Variants in BAIAP2 observed in about 807,000 individuals in gnomAD.
BAIAP2 encodes BAR/IMD domain-containing adapter protein 2.
A neutral mutation model predicts 63.0 loss-of-function variants in BAIAP2; 18 were observed. That is an observed-to-expected ratio of 0.29 (90% CI 0.20 to 0.42). BAIAP2 has a LOEUF of 0.42. Among genes scored for constraint, BAIAP2 ranks in the 10% least tolerant of loss-of-function variants. BAIAP2 has a pLI of 1.00. For missense variants in BAIAP2, 610 were observed against 734.3 expected (o/e 0.83, Z 1.96); for synonymous variants, 386 against 307.6 (o/e 1.25, Z -2.67).
chr17:81,047,504 T>G (rs115190157), intron 1 of BAIAP2, among the ~76,000 whole-genome samples: 2,579 of 152,122 alleles, frequency 0.017, 75 homozygotes, highest in African/African-American at 0.058. Context: ...GGTCCACGTG[T>G]GTCCAGCACA....
At chr17:81,111,697 C>A (rs1427888361) in intron 13 of BAIAP2, among the ~76,000 whole-genome samples, 1 of 152,224 alleles carries the variant, frequency 6.6e-6, no homozygotes, top group Non-Finnish European at 1.5e-5. Flanking sequence ...GTGGGCCACT[C>A]CCCTGGTGCC....
intron 7 of BAIAP2, among the ~76,000 whole-genome samples, chr17:81,102,666 G>A (rs1292139902): frequency 6.6e-6 from 1 of 152,208 alleles, no homozygotes; most frequent in African/African-American, 2.4e-5. Context: ...AATGGCTGTC[G>A]TCCAACATCC....
chr17:81,065,298 G>T (rs1014989688), intron 3 of BAIAP2, among the ~76,000 whole-genome samples: 6 of 152,078 alleles, frequency 3.9e-5, no homozygotes, highest in Admixed American at 6.5e-5. Flanking sequence ...GCAGTGCTGT[G>T]CCCGTCCCGG....
At chr17:81,070,409 C>T (rs990229522) in intron 3 of BAIAP2, among the ~76,000 whole-genome samples, 1 of 152,210 alleles carries the variant, frequency 6.6e-6, no homozygotes, top group Non-Finnish European at 1.5e-5. Context: ...ACCTTGGTCA[C>T]TTGTGGCCAA....
intron 3 of BAIAP2, among the ~76,000 whole-genome samples, chr17:81,068,775 A>T (rs537102964): frequency 1.3e-5 from 2 of 152,118 alleles, no homozygotes; most frequent in African/African-American, 4.8e-5. Flanking sequence ...GGTCCCAGGG[A>T]GGTGTCTTTC....
chr17:81,086,295 C>T lies in BAIAP2; in HGVS notation c.352-148C>T, dbSNP rs532682414. On this transcript the variant is annotated intron_variant, in intron 5 of 13. Coordinates refer to ENST00000428708, the MANE Select transcript of BAIAP2 (RefSeq NM_001144888.2). Reference sequence around the variant, plus strand: ...ACTCTGATTTGCAGCTGAGCATGCACGGCCAGAGAGCGAGCCAGGAAGGGA... The same window carrying T: ...ACTCTGATTTGCAGCTGAGCATGCATGGCCAGAGAGCGAGCCAGGAAGGGA... 86 of 993,612 alleles carry T rather than the reference C, an allele frequency of 8.7e-5. 1 individual carries two copies. The highest frequency in any genetic ancestry group is 2.2e-4 in the East Asian group (9 of 41,216). 61.5% of individuals were successfully genotyped at this position (993,612 alleles called of 1,614,324 possible). A position where few individuals can be genotyped will look rare whatever the true frequency, so the allele number is the denominator to read the frequency against.
At chr17:81,050,899 T>C (rs1248287315) in intron 1 of BAIAP2, among the ~76,000 whole-genome samples, 1 of 151,346 alleles carries the variant, frequency 6.6e-6, no homozygotes, top group Non-Finnish European at 1.5e-5. Flanking sequence ...GAAACGCGCA[T>C]CCGGCAGCAT....
At chr17:81,067,075 G>C (rs914286562) in intron 3 of BAIAP2, among the ~76,000 whole-genome samples, 15 of 152,254 alleles carry the variant, frequency 9.9e-5, no homozygotes, top group Admixed American at 7.2e-4. Context: ...CTGCAGATGA[G>C]AGGGAAGCGA....
intron 13 of BAIAP2, chr17:81,109,209 G>A (rs1051448480): frequency 4.8e-5 from 67 of 1,398,298 alleles, no homozygotes; most frequent in African/African-American, 5.9e-5. Context: ...GTGTTTACGC[G>A]CCCCATCCTG....
chr17:81,093,019 T>TC (rs2057040510), intron 6 of BAIAP2, among the ~76,000 whole-genome samples: 1 of 151,698 alleles, frequency 6.6e-6, no homozygotes, highest in Non-Finnish European at 1.5e-5. Flanking sequence ...GGGGGACGTG[T>TC]CCACATGCCC....
At chr17:81,096,621 G>T (rs7219818) in intron 6 of BAIAP2, among the ~76,000 whole-genome samples, 62 of 152,292 alleles carry the variant, frequency 4.1e-4, no homozygotes, top group African/African-American at 1.4e-3. Flanking sequence ...CTTGTTTCTC[G>T]GAGCACACCC....
At chr17:81,065,006 G>A (rs2051216117) in intron 3 of BAIAP2, among the ~76,000 whole-genome samples, 1 of 152,204 alleles carries the variant, frequency 6.6e-6, no homozygotes, top group Non-Finnish European at 1.5e-5. Flanking sequence ...CCGCCATGGT[G>A]TTTCTCCCTT....
chr17:81,036,562 C>G (rs1273578978), intron 1 of BAIAP2, among the ~76,000 whole-genome samples: 1 of 152,240 alleles, frequency 6.6e-6, no homozygotes, highest in Admixed American at 6.5e-5. Context: ...CACTTGAATA[C>G]AGCTTTCAAT....
intron 3 of BAIAP2, among the ~76,000 whole-genome samples, chr17:81,084,565 G>T (rs967438252): frequency 6.6e-6 from 1 of 152,188 alleles, no homozygotes; most frequent in Non-Finnish European, 1.5e-5. Flanking sequence ...GGCTCTTCCT[G>T]TCTCTCGCCT....
At chr17:81,044,165 C>A (rs2047470571) in intron 1 of BAIAP2, among the ~76,000 whole-genome samples, 1 of 152,214 alleles carries the variant, frequency 6.6e-6, no homozygotes, top group Non-Finnish European at 1.5e-5. Flanking sequence ...TACAGGCATT[C>A]CTAAGCTGCC....
intron 3 of BAIAP2, among the ~76,000 whole-genome samples, chr17:81,075,727 G>A (rs4969243): frequency 0.41 from 62,386 of 151,948 alleles, 13,049 homozygotes; most frequent in Middle Eastern, 0.46. Context: ...TTCTCCCCCA[G>A]GTAGGGGCCA....
At chr17:81,056,474 C>T (rs1466898419) in intron 2 of BAIAP2, 1 of 152,218 alleles carries the variant, frequency 6.6e-6, no homozygotes, top group Admixed American at 6.5e-5. Flanking sequence ...CGTGGCTCTC[C>T]GAGGTGTGGG....
At chr17:81,107,300 G>A (rs2059301519) in intron 12 of BAIAP2, 2 of 195,274 alleles carry the variant, frequency 1.0e-5, no homozygotes, top group East Asian at 2.7e-4. Flanking sequence ...TGAGAACCAC[G>A]GGGCTCCCTC....
chr17:81,095,139 C>T (rs939946741), intron 6 of BAIAP2, among the ~76,000 whole-genome samples: 13 of 152,210 alleles, frequency 8.5e-5, no homozygotes, highest in Admixed American at 7.2e-4. Context: ...ATAGTGCTGT[C>T]GCCATGGCAC....
Sources: gnomAD v4.1 joint callset for allele counts (sites outside exome capture counted in the v4.1 genomes callset) on GRCh38, gnomAD v4.1.1 for gene constraint, MANE v1.5 for transcripts, NCBI Gene and HGNC (gene_info 2026-07-23, HGNC 2026-07-21) for gene names.